Variants in RANBP2 observed in about 807,000 individuals in gnomAD.
The protein encoded by RANBP2 is RAN binding protein 2.
Under a neutral mutation model 303.6 loss-of-function variants are expected in RANBP2, and 57 were observed. The observed-to-expected ratio is 0.19, with a 90% CI of 0.15 to 0.23. The LOEUF is 0.23. RANBP2 is among the 10% of genes least tolerant of loss of function. RANBP2 has a pLI of 1.00. For missense variants in RANBP2, 3,138 were observed against 3,780.8 expected, an observed-to-expected ratio of 0.83 and a Z score of 4.46; for synonymous variants, 1,167 against 1,301.5, an observed-to-expected ratio of 0.90 and a Z score of 2.23.
In RANBP2 at chr2:108,764,191, A is replaced by G; in HGVS notation, c.3652A>G (p.Asn1218Asp). ...SKEWKERGIGNVKILRHKTSG... is the reference protein window; with the variant it reads ...SKEWKERGIGDVKILRHKTSG... Reference sequence around the variant, plus strand: ...AGAATGGAAAGAACGTGGGATTGGCAATGTAAAAATACTGAGGCATAAAAC... The same window carrying G: ...AGAATGGAAAGAACGTGGGATTGGCGATGTAAAAATACTGAGGCATAAAAC... The change falls in exon 20 of 29, where the codon AAT becomes GAT. Residue 1218 changes from asparagine (N) to aspartate (D), a missense_variant. Around this residue, in one of 20 missense-constraint regions of RANBP2, gnomAD observed 72 missense variants for 119.5 expected, o/e 0.60. Transcript: ENST00000283195. The G allele has an allele frequency of 6.2e-7, 1 of 1,614,118 alleles. No individual in the cohort carries two copies. Among genetic ancestry groups the G allele is most frequent in the Non-Finnish European group, 8.5e-7 (1 of 1,179,998 alleles).
the RANBP2 span, among the ~76,000 whole-genome samples, chr2:109,063,401 A>G: frequency 2.0e-5 from 3 of 152,152 alleles, no homozygotes; most frequent in Non-Finnish European, 2.9e-5. Context: ...TAGGGTCCAC[A>G]TCAGCAGCGC....
At chr2:109,329,356 G>A in the RANBP2 span, among the ~76,000 whole-genome samples, 3 of 152,196 alleles carry the variant, frequency 2.0e-5, no homozygotes, top group South Asian at 6.2e-4. Context: ...GAGCAAATCC[G>A]CATGAGGAAA....
At chr2:108,824,999 G>C in the RANBP2 span, among the ~76,000 whole-genome samples, 1 of 152,266 alleles carries the variant, frequency 6.6e-6, no homozygotes, top group African/African-American at 2.4e-5. Flanking sequence ...CTTTCATATG[G>C]AACTAGACAT....
the RANBP2 span, among the ~76,000 whole-genome samples, chr2:109,039,282 A>G: frequency 6.6e-6 from 1 of 152,174 alleles, no homozygotes; most frequent in Non-Finnish European, 1.5e-5. Context: ...CAATTCTAAA[A>G]TAAATCTCTC....
chr2:109,405,789 T>A, the RANBP2 span, among the ~76,000 whole-genome samples: 1 of 152,202 alleles, frequency 6.6e-6, no homozygotes, highest in African/African-American at 2.4e-5. Flanking sequence ...ATATTATTTG[T>A]GTGTATGGCC....
the RANBP2 span, among the ~76,000 whole-genome samples, chr2:109,240,826 A>G: frequency 4.4e-4 from 67 of 151,398 alleles, no homozygotes; most frequent in Non-Finnish European, 8.1e-4. Flanking sequence ...ACTTCTTCCT[A>G]CTGGACTCCT....
the RANBP2 span, among the ~76,000 whole-genome samples, chr2:109,589,701 T>C: frequency 6.6e-6 from 1 of 152,044 alleles, no homozygotes; most frequent in Non-Finnish European, 1.5e-5. Context: ...AGCTTGGCAG[T>C]TTCCTATGAA....
the RANBP2 span, among the ~76,000 whole-genome samples, chr2:109,581,769 A>G: frequency 6.6e-6 from 1 of 152,256 alleles, no homozygotes; most frequent in Non-Finnish European, 1.5e-5. Flanking sequence ...AACTGAAACA[A>G]GATATGCCTG....
chr2:109,561,005 C>T, the RANBP2 span, among the ~76,000 whole-genome samples: 2 of 152,190 alleles, frequency 1.3e-5, no homozygotes, highest in East Asian at 1.9e-4. Context: ...ACCTCCTTCA[C>T]ATTAGAGCAA....
At chr2:109,346,414 C>T in the RANBP2 span, among the ~76,000 whole-genome samples, 1,239 of 152,252 alleles carry the variant, frequency 8.1e-3, 15 homozygotes, top group African/African-American at 0.029. Flanking sequence ...TTGATTGATT[C>T]GAATACTGAA....
At chr2:108,841,788 G>A in the RANBP2 span, among the ~76,000 whole-genome samples, 1 of 151,786 alleles carries the variant, frequency 6.6e-6, no homozygotes, top group African/African-American at 2.4e-5. Context: ...TAACTACTGG[G>A]TGGTTCTTTT....
intron 7 of RANBP2, among the ~76,000 whole-genome samples, chr2:108,743,602 TA>T (rs1321514481): frequency 6.6e-6 from 1 of 152,232 alleles, no homozygotes; most frequent in Non-Finnish European, 1.5e-5. Flanking sequence ...AATAAAAAGT[TA>T]GTTTCCCTCT....
the RANBP2 span, among the ~76,000 whole-genome samples, chr2:109,442,403 G>T: frequency 6.6e-6 from 1 of 151,418 alleles, no homozygotes; most frequent in Non-Finnish European, 1.5e-5. Context: ...TGAAAATGAA[G>T]ATCTATACAA....
At chr2:108,980,117 G>A in the RANBP2 span, among the ~76,000 whole-genome samples, 2 of 149,044 alleles carry the variant, frequency 1.3e-5, no homozygotes, top group African/African-American at 2.5e-5. Flanking sequence ...GGGTGGGGTC[G>A]GGTGGGGGGC....
chr2:109,229,271 G>A, the RANBP2 span, among the ~76,000 whole-genome samples: 1 of 152,180 alleles, frequency 6.6e-6, no homozygotes, highest in African/African-American at 2.4e-5. Flanking sequence ...GGTGAGTAGA[G>A]TATGAGGAAT....
chr2:108,757,477 A>G (rs967378332), intron 17 of RANBP2, among the ~76,000 whole-genome samples: 5 of 152,158 alleles, frequency 3.3e-5, no homozygotes, highest in Non-Finnish European at 7.3e-5. Flanking sequence ...TGTAGATAGT[A>G]TAAAAATTAA....
the RANBP2 span, among the ~76,000 whole-genome samples, chr2:109,053,981 T>G: frequency 6.6e-6 from 1 of 152,174 alleles, no homozygotes; most frequent in Non-Finnish European, 1.5e-5. Flanking sequence ...AATCCTGCCA[T>G]CACCAAGAGA....
the RANBP2 span, among the ~76,000 whole-genome samples, chr2:109,087,525 G>A: frequency 2.6e-5 from 4 of 152,116 alleles, no homozygotes; most frequent in African/African-American, 2.4e-5. Context: ...GGTCAACTAC[G>A]TTTAAACTGT....
chr2:109,119,112 G>T, the RANBP2 span, among the ~76,000 whole-genome samples: 1 of 152,342 alleles, frequency 6.6e-6, no homozygotes, highest in Admixed American at 6.5e-5. Context: ...CTGAGAGCTT[G>T]GTAGGAGCTC....
Sources: allele counts gnomAD v4.1 joint callset (sites outside exome capture counted in the v4.1 genomes callset), GRCh38; gene constraint gnomAD v4.1.1; regional missense constraint gnomAD v4.1.1; transcripts MANE v1.5; gene names NCBI Gene and HGNC (gene_info 2026-07-23, HGNC 2026-07-21).